UNC5C: variants seen among roughly 807,000 people sequenced by gnomAD.
UNC5C encodes netrin receptor UNC5C.
A neutral mutation model predicts 99.8 loss-of-function variants in UNC5C; 47 were observed. That is an observed-to-expected ratio of 0.47 (90% confidence interval 0.37 to 0.60). The LOEUF is 0.60. Ranked by LOEUF, UNC5C falls within the 20% of genes least tolerant of loss-of-function variation. The pLI, the probability that UNC5C is intolerant of heterozygous loss-of-function variation, is 0.00. For missense variants in UNC5C, 1,062 were observed against 1,165.9 expected, an observed-to-expected ratio of 0.91 and a Z score of 1.30; for synonymous variants, 487 against 452.2, an observed-to-expected ratio of 1.08 and a Z score of -0.98.
intron 6 of UNC5C, 65 bp from the exon 7 acceptor site, chr4:95,242,658 G>A (rs1739369404): frequency 6.9e-7 from 1 of 1,445,318 alleles, no homozygotes; most frequent in Non-Finnish European, 9.2e-7. Context: ...ATGGAGCAGA[G>A]CTCAAATATA....
chr4:95,500,791 C>T (rs1218557824), intron 1 of UNC5C, among the ~76,000 whole-genome samples: 2 of 152,086 alleles, frequency 1.3e-5, no homozygotes, highest in African/African-American at 4.8e-5. Context: ...CTTTGAGATG[C>T]TAGAGAGCAA....
Position 95,244,966 on chromosome 4 carries a change from G to A in UNC5C, c.943+11C>T, listed in dbSNP as rs181378046. 11 of 1,613,410 alleles carry A rather than the reference G, an allele frequency of 6.8e-6. No homozygotes were observed. The East Asian group carries it at 2.5e-4, about 36-fold the overall frequency. ...AGGAGATACTTGGAATGAGAGGACT[G>A]GTTTATTTACCTGGGCATAACGTAG... On this transcript the variant is annotated intron_variant, in intron 6 of 15. Coordinates refer to ENST00000453304, the MANE Select transcript of UNC5C (RefSeq NM_003728.4).
At chr4:95,444,121 A>G (rs1747026159) in intron 1 of UNC5C, among the ~76,000 whole-genome samples, 1 of 152,162 alleles carries the variant, frequency 6.6e-6, no homozygotes. Flanking sequence ...CTGGGAATGG[A>G]CAGATGGACA....
intron 1 of UNC5C, among the ~76,000 whole-genome samples, chr4:95,385,079 G>A (rs1745176446): frequency 6.6e-6 from 1 of 152,128 alleles, no homozygotes; most frequent in Non-Finnish European, 1.5e-5. Flanking sequence ...CCTCCAGACT[G>A]AGGTGAAATG....
intron 10 of UNC5C, among the ~76,000 whole-genome samples, chr4:95,210,335 G>C (rs1038478679): frequency 5.9e-5 from 9 of 152,182 alleles, no homozygotes; most frequent in African/African-American, 2.2e-4. Context: ...TTCTCTTATA[G>C]GCTTTCAAGA....
chr4:95,287,016 G>A, intron 3 of UNC5C, among the ~76,000 whole-genome samples: 1 of 152,170 alleles, frequency 6.6e-6, no homozygotes, highest in Non-Finnish European at 1.5e-5. Context: ...GGTCCAGATA[G>A]TTCAATGCTG....
At chr4:95,379,004 T>C (rs1419658829) in intron 1 of UNC5C, among the ~76,000 whole-genome samples, 1 of 152,176 alleles carries the variant, frequency 6.6e-6, no homozygotes, top group African/African-American at 2.4e-5. Flanking sequence ...ATATTATTCC[T>C]TACTTTGGAA....
chr4:95,320,356 A>G (rs1393389279), intron 2 of UNC5C, among the ~76,000 whole-genome samples: 1 of 139,032 alleles, frequency 7.2e-6, no homozygotes, highest in East Asian at 2.5e-4. Flanking sequence ...CAGGAGGTGG[A>G]GGTTGCAGTG....
intron 7 of UNC5C, among the ~76,000 whole-genome samples, chr4:95,238,775 T>C (rs1739219993): frequency 6.6e-6 from 1 of 152,214 alleles, no homozygotes; most frequent in African/African-American, 2.4e-5. Context: ...TTTCATAAGA[T>C]CTACATTCCA....
intron 1 of UNC5C, among the ~76,000 whole-genome samples, chr4:95,426,542 G>C (rs1426802315): frequency 6.6e-6 from 1 of 152,218 alleles, no homozygotes; most frequent in African/African-American, 2.4e-5. Flanking sequence ...AAATTCAAGA[G>C]AGGCTGAAAG....
chr4:95,475,449 A>G (rs1748113865), intron 1 of UNC5C, among the ~76,000 whole-genome samples: 1 of 152,030 alleles, frequency 6.6e-6, no homozygotes. Context: ...CGTATATTAA[A>G]AACAACCAGT....
At position 95,354,479 on chromosome 4, in the gene UNC5C, A is replaced by ACC. The variant is rs1744100838; in HGVS notation, c.125-18849_125-18848insGG. Among the ~76,000 whole-genome samples, 109 of 110,348 alleles carry ACC rather than the reference A, an allele frequency of 9.9e-4. 3 individuals carry two copies. Among genetic ancestry groups the ACC allele is most frequent in the African/African-American group, 4.0e-3 (100 of 24,744 alleles). The allele number at this position is 110,348 out of a possible 152,430, so 72.4% of individuals were successfully genotyped here. ...TTACCTAACTCTTCCATATATATAT[A>ACC]TTTTTTTTTTTTTTTTAAGAGACAG... On this transcript the variant is annotated intron_variant, in intron 1 of 15. Transcript: ENST00000453304.
chr4:95,205,049 AG>A (rs1265951520), intron 11 of UNC5C, among the ~76,000 whole-genome samples: 1 of 152,172 alleles, frequency 6.6e-6, no homozygotes, highest in Admixed American at 6.5e-5. Context: ...GACAAAGGAA[AG>A]CCTCCGGTAT....
chr4:95,514,095 T>C (rs535241350), intron 1 of UNC5C, among the ~76,000 whole-genome samples: 124 of 152,302 alleles, frequency 8.1e-4, no homozygotes, highest in African/African-American at 2.9e-3. Flanking sequence ...TGTTGTCATT[T>C]CCACAGTAAC....
At chr4:95,355,355 T>G (rs1466359063) in intron 1 of UNC5C, among the ~76,000 whole-genome samples, 4 of 152,176 alleles carry the variant, frequency 2.6e-5, no homozygotes, top group Non-Finnish European at 4.4e-5. Context: ...GGTATCAAGC[T>G]TCTCTCATTT....
intron 3 of UNC5C, among the ~76,000 whole-genome samples, chr4:95,290,220 C>T (rs1579299300): frequency 1.3e-5 from 2 of 151,868 alleles, no homozygotes; most frequent in African/African-American, 2.4e-5. Context: ...GTGGGAGGAT[C>T]GCTTGAGCCC....
At chr4:95,354,730 A>G (rs994827493) in intron 1 of UNC5C, among the ~76,000 whole-genome samples, 1 of 151,800 alleles carries the variant, frequency 6.6e-6, no homozygotes, top group Non-Finnish European at 1.5e-5. Context: ...TGATCCTTCC[A>G]CCTTGGCTTC....
intron 1 of UNC5C, among the ~76,000 whole-genome samples, chr4:95,347,042 G>A (rs1743801790): frequency 6.6e-6 from 1 of 151,818 alleles, no homozygotes; most frequent in Non-Finnish European, 1.5e-5. Context: ...AAAACTATTG[G>A]AACTAATAAA....
At chr4:95,315,270 G>C (rs1742431383) in intron 2 of UNC5C, among the ~76,000 whole-genome samples, 1 of 152,092 alleles carries the variant, frequency 6.6e-6, no homozygotes, top group Non-Finnish European at 1.5e-5. Context: ...AGATGGAATG[G>C]CTGAAACATG....
Sources: allele counts gnomAD v4.1 joint callset (sites outside exome capture counted in the v4.1 genomes callset), GRCh38; gene constraint gnomAD v4.1.1; transcripts MANE v1.5; gene names NCBI Gene and HGNC (gene_info 2026-07-23, HGNC 2026-07-21).